LUZP2: variants seen among roughly 807,000 people sequenced by gnomAD.
LUZP2 encodes leucine zipper protein 2.
In LUZP2, 52 loss-of-function variants were observed where a neutral mutation model predicts 51.6. That is an observed-to-expected ratio of 1.01 (90% CI 0.81 to 1.27). The LOEUF (loss-of-function observed/expected upper bound fraction) is 1.27. Among genes scored for constraint, LUZP2 ranks in the 50% most tolerant of loss-of-function variants. LUZP2 has a pLI of 0.00. For missense variants in LUZP2, 436 were observed against 395.4 expected, an observed-to-expected ratio of 1.10 and a Z score of -0.87; for synonymous variants, 154 against 137.3, an observed-to-expected ratio of 1.12 and a Z score of -0.85.
At chr11:24,541,710 T>C (rs985235141) in intron 1 of LUZP2, among the ~76,000 whole-genome samples, 2 of 152,078 alleles carry the variant, frequency 1.3e-5, no homozygotes, top group African/African-American at 4.8e-5. Flanking sequence ...AACAAAACTT[T>C]TATTATTCAA....
intron 9 of LUZP2, among the ~76,000 whole-genome samples, chr11:25,000,547 C>G (rs1458315526): frequency 6.6e-6 from 1 of 152,122 alleles, no homozygotes; most frequent in Admixed American, 6.6e-5. Context: ...ACAAATTTGA[C>G]AAGCAGTTTA....
intron 1 of LUZP2, among the ~76,000 whole-genome samples, chr11:24,681,315 C>G (rs1175708758): frequency 6.6e-6 from 1 of 152,130 alleles, no homozygotes; most frequent in African/African-American, 2.4e-5. Context: ...ATGTTTCTAA[C>G]GTTCTGTGAT....
intron 10 of LUZP2, among the ~76,000 whole-genome samples, chr11:25,058,085 A>G (rs755265497): frequency 6.6e-6 from 1 of 151,556 alleles, no homozygotes; most frequent in Non-Finnish European, 1.5e-5. Context: ...CAGCACTGTC[A>G]TTCTGGGCTA....
intron 1 of LUZP2, among the ~76,000 whole-genome samples, chr11:24,541,904 T>C (rs1366997376): frequency 7.1e-6 from 1 of 140,532 alleles, no homozygotes; most frequent in Non-Finnish European, 1.6e-5. Context: ...CTTCTATTTA[T>C]ATAAGAAAAA....
At chr11:24,695,770 T>A (rs1049951647) in intron 1 of LUZP2, among the ~76,000 whole-genome samples, 1 of 152,072 alleles carries the variant, frequency 6.6e-6, no homozygotes. Flanking sequence ...GATGTATGAT[T>A]TTTAAATGCT....
intron 1 of LUZP2, among the ~76,000 whole-genome samples, chr11:24,606,455 TTG>T (rs1853921418): frequency 1.3e-5 from 2 of 152,036 alleles, no homozygotes; most frequent in African/African-American, 4.8e-5. Flanking sequence ...TTTATCCCCA[TTG>T]TAAGTTGAGG....
chr11:24,712,510 A>G (rs1231998159), intron 1 of LUZP2, among the ~76,000 whole-genome samples: 1 of 152,216 alleles, frequency 6.6e-6, no homozygotes, highest in African/African-American at 2.4e-5. Context: ...AATTACTAGG[A>G]GAAAGCATCA....
intron 1 of LUZP2, among the ~76,000 whole-genome samples, chr11:24,660,847 G>A (rs1855996537): frequency 6.6e-6 from 1 of 151,866 alleles, no homozygotes; most frequent in Non-Finnish European, 1.5e-5. Flanking sequence ...GGCTTCTTAT[G>A]ATAAAAGATA....
rs985418658 is a variant in LUZP2, at chr11:24,631,176, C to CT, written c.63-97984dup. ...TTGACTTTCTCTTCTGATTTGGAAG[C>CT]TTTTTTTTTCTCTTTCCTGATTGTT... On this transcript the variant is annotated intron_variant, in intron 1 of 11. Transcript: ENST00000336930. 3.2e-4 allele frequency among the ~76,000 whole-genome samples: 48 copies of CT among 150,920 alleles called. No homozygotes were observed. The South Asian group carries it at 4.6e-3, about 14-fold the overall frequency.
At chr11:24,855,235 C>G (rs1851522978) in intron 5 of LUZP2, among the ~76,000 whole-genome samples, 1 of 152,126 alleles carries the variant, frequency 6.6e-6, no homozygotes, top group Non-Finnish European at 1.5e-5. Context: ...TCTAGAGACT[C>G]TTCCAAAAGA....
intron 1 of LUZP2, among the ~76,000 whole-genome samples, chr11:24,592,443 G>A (rs10834401): frequency 0.14 from 21,745 of 152,086 alleles, 1,654 homozygotes; most frequent in South Asian, 0.21. Context: ...ATGAGCAAAA[G>A]CATGTGGCAT....
Position 25,072,565 on chromosome 11 carries a change from C to T in LUZP2, c.859-4764C>T, listed in dbSNP as rs193275065. ...AAGCAAAAGTTACTGCAATAGTTTT[C>T]GATAAAATTATATTTACTCTTTAGA... On this transcript the variant is annotated intron_variant, in intron 10 of 11. Transcript: ENST00000336930. 1.6e-3 allele frequency among the ~76,000 whole-genome samples: 236 copies of T among 152,130 alleles called. 2 individuals are homozygous for T. Among genetic ancestry groups the T allele is most frequent in the African/African-American group, 4.6e-3 (192 of 41,520 alleles).
chr11:24,657,768 T>C (rs1855859321), intron 1 of LUZP2, among the ~76,000 whole-genome samples: 1 of 152,114 alleles, frequency 6.6e-6, no homozygotes, highest in South Asian at 2.1e-4. Context: ...ATCACAAGCA[T>C]TCTTATACAC....
At chr11:24,830,940 G>A (rs1850684218) in intron 5 of LUZP2, among the ~76,000 whole-genome samples, 1 of 152,076 alleles carries the variant, frequency 6.6e-6, no homozygotes, top group African/African-American at 2.4e-5. Flanking sequence ...CTTGCAGTAA[G>A]CCGAGATCCT....
chr11:24,853,263 G>T (rs1451939790), intron 5 of LUZP2, among the ~76,000 whole-genome samples: 2 of 152,026 alleles, frequency 1.3e-5, no homozygotes, highest in African/African-American at 4.8e-5. Flanking sequence ...TGTAACATGG[G>T]CCTGGTGGTG....
At chr11:24,725,080 C>A (rs1245914790) in intron 1 of LUZP2, among the ~76,000 whole-genome samples, 1 of 152,044 alleles carries the variant, frequency 6.6e-6, no homozygotes, top group African/African-American at 2.4e-5. Flanking sequence ...AAATTCCCTG[C>A]AGGAATTTAC....
chr11:24,610,797 G>A (rs772536446), intron 1 of LUZP2, among the ~76,000 whole-genome samples: 5 of 152,076 alleles, frequency 3.3e-5, no homozygotes, highest in Non-Finnish European at 5.9e-5. Context: ...AACACAAAAT[G>A]AGCTGGGCGT....
chr11:24,739,428 T>C (rs1859055981), intron 4 of LUZP2, among the ~76,000 whole-genome samples: 1 of 152,024 alleles, frequency 6.6e-6, no homozygotes, highest in South Asian at 2.1e-4. Context: ...AGTGTGTCTC[T>C]GGGAGGAGGA....
At chr11:24,810,204 TAC>T (rs199538112) in intron 5 of LUZP2, among the ~76,000 whole-genome samples, 2,294 of 152,046 alleles carry the variant, frequency 0.015, 59 homozygotes, top group African/African-American at 0.052. Context: ...ATGAAATCAG[TAC>T]ACACACACAC....
Sources: allele counts gnomAD v4.1 joint callset (sites outside exome capture counted in the v4.1 genomes callset), GRCh38; gene constraint gnomAD v4.1.1; transcripts MANE v1.5; gene names NCBI Gene and HGNC (gene_info 2026-07-23, HGNC 2026-07-21).